The following CFAP95 variants were observed in gnomAD, a reference collection of about 807,000 sequenced individuals.
The protein encoded by CFAP95 is cilia- and flagella-associated protein 95.
chr9:69,845,133 A>C, the CFAP95 span, among the ~76,000 whole-genome samples: 1 of 152,198 alleles, frequency 6.6e-6, no homozygotes, highest in Non-Finnish European at 1.5e-5. Context: ...GTTGTGAGTA[A>C]TTAAAACATG....
the CFAP95 span, among the ~76,000 whole-genome samples, chr9:69,883,197 G>A: frequency 3.3e-5 from 5 of 152,132 alleles, no homozygotes; most frequent in African/African-American, 1.2e-4. Flanking sequence ...GTTTATTTTG[G>A]AGAATAAACC....
At chr9:69,846,107 T>A in the CFAP95 span, among the ~76,000 whole-genome samples, 1 of 152,206 alleles carries the variant, frequency 6.6e-6, no homozygotes, top group African/African-American at 2.4e-5. Flanking sequence ...AAAAAACATT[T>A]ATTTTTGATT....
the CFAP95 span, among the ~76,000 whole-genome samples, chr9:69,852,551 C>T: frequency 6.6e-6 from 1 of 152,062 alleles, no homozygotes; most frequent in East Asian, 1.9e-4. Flanking sequence ...TAATTTCCAC[C>T]CTGAGAGTGG....
chr9:69,870,363 C>T, the CFAP95 span, among the ~76,000 whole-genome samples: 1 of 152,174 alleles, frequency 6.6e-6, no homozygotes, highest in African/African-American at 2.4e-5. Context: ...GGAAACCTAA[C>T]TAATAGCAGC....
At chr9:69,851,887 AAG>A in the CFAP95 span, among the ~76,000 whole-genome samples, 65 of 151,816 alleles carry the variant, frequency 4.3e-4, no homozygotes, top group African/African-American at 1.5e-3. Flanking sequence ...AAAAAAAAAA[AAG>A]AAGAGGAAGA....
the CFAP95 span, among the ~76,000 whole-genome samples, chr9:69,861,744 A>G: frequency 2.0e-3 from 304 of 151,156 alleles, 2 homozygotes; most frequent in African/African-American, 6.9e-3. Context: ...AAAAAAAAAA[A>G]AAAAAAAAAC....
the CFAP95 span, among the ~76,000 whole-genome samples, chr9:69,883,284 G>C: frequency 6.6e-6 from 1 of 152,170 alleles, no homozygotes; most frequent in South Asian, 2.1e-4. Context: ...TTCAGGGCTA[G>C]AGAACTTATC....
the CFAP95 span, among the ~76,000 whole-genome samples, chr9:69,826,003 T>A: frequency 6.6e-6 from 1 of 152,216 alleles, no homozygotes; most frequent in African/African-American, 2.4e-5. Flanking sequence ...TTTCGCTTCC[T>A]GTCTCCTATA....
At chr9:69,875,761 C>A in the CFAP95 span, among the ~76,000 whole-genome samples, 2 of 152,148 alleles carry the variant, frequency 1.3e-5, no homozygotes, top group African/African-American at 4.8e-5. Flanking sequence ...CTTCAAACAT[C>A]CATCTACTCA....
At chr9:69,899,252 T>G in the CFAP95 span, among the ~76,000 whole-genome samples, 1 of 152,240 alleles carries the variant, frequency 6.6e-6, no homozygotes, top group African/African-American at 2.4e-5. Context: ...TTTCTTCCCA[T>G]TCCCACTAAA....
chr9:69,901,456 T>C, the CFAP95 span, among the ~76,000 whole-genome samples: 1 of 152,168 alleles, frequency 6.6e-6, no homozygotes, highest in Non-Finnish European at 1.5e-5. Context: ...TTTTTTGTCC[T>C]TGCGATAATT....
chr9:69,837,550 T>C, the CFAP95 span, among the ~76,000 whole-genome samples: 2 of 152,240 alleles, frequency 1.3e-5, no homozygotes, highest in Non-Finnish European at 2.9e-5. Flanking sequence ...TGTCTGTTCA[T>C]GTCCTTCGCC....
the CFAP95 span, among the ~76,000 whole-genome samples, chr9:69,832,829 A>G: frequency 6.6e-6 from 1 of 151,676 alleles, no homozygotes; most frequent in South Asian, 2.1e-4. Context: ...ATATCTCCCA[A>G]TGGTATCCCT....
chr9:69,888,306 TA>T, the CFAP95 span, among the ~76,000 whole-genome samples: 11 of 152,036 alleles, frequency 7.2e-5, no homozygotes, highest in African/African-American at 2.4e-4. Flanking sequence ...TTTTTCTATT[TA>T]AAAAAATAAT....
the CFAP95 span, chr9:69,902,212 C>T: frequency 2.5e-6 from 1 of 405,018 alleles, no homozygotes; most frequent in Non-Finnish European, 4.9e-6. Context: ...TTTCTGCTTT[C>T]CCTTCCCCTT....
At chr9:69,829,380 C>A in the CFAP95 span, among the ~76,000 whole-genome samples, 3 of 152,134 alleles carry the variant, frequency 2.0e-5, no homozygotes, top group Non-Finnish European at 4.4e-5. Flanking sequence ...TGTGCCATGA[C>A]CTTTGTGTGA....
chr9:69,883,161 A>G, the CFAP95 span, among the ~76,000 whole-genome samples: 18 of 152,226 alleles, frequency 1.2e-4, no homozygotes, highest in Non-Finnish European at 2.5e-4. Context: ...AAGAAACACA[A>G]AAAGTGGCTC....
the CFAP95 span, among the ~76,000 whole-genome samples, chr9:69,843,552 CTCCTCCTTCT>C: frequency 0.014 from 361 of 25,464 alleles, 33 homozygotes; most frequent in Non-Finnish European, 0.023. Flanking sequence ...CCTCCTCCTC[CTCCTCCTTCT>C]TCTTCTTCTT....
the CFAP95 span, among the ~76,000 whole-genome samples, chr9:69,869,973 A>G: frequency 1.3e-5 from 2 of 152,212 alleles, no homozygotes; most frequent in African/African-American, 2.4e-5. Context: ...TGTACTATGT[A>G]TCTTTGAGTT....
Sources: allele counts gnomAD v4.1 joint callset (sites outside exome capture counted in the v4.1 genomes callset), GRCh38; gene constraint gnomAD v4.1.1; transcripts MANE v1.5; gene names NCBI Gene and HGNC (gene_info 2026-07-23, HGNC 2026-07-21).